CPNE4: variants seen among roughly 807,000 people sequenced by gnomAD.
CPNE4 encodes the protein copine-4.
CPNE4 carries 25 observed loss-of-function variants against 67.9 expected under a neutral mutation model. The observed-to-expected ratio is 0.37, with a 90% CI of 0.27 to 0.51. The LOEUF (loss-of-function observed/expected upper bound fraction) is 0.51, where lower values mean the gene tolerates loss of function less well. Among genes scored for constraint, CPNE4 ranks in the 20% least tolerant of loss-of-function variants. The pLI is 0.93. For synonymous variants in CPNE4, 242 were observed against 244.9 expected, an observed-to-expected ratio of 0.99 and a Z score of 0.11; for missense variants, 464 against 690.8, an observed-to-expected ratio of 0.67 and a Z score of 3.68.
intron 7 of CPNE4, among the ~76,000 whole-genome samples, chr3:131,594,079 T>C (rs1938700521): frequency 6.6e-6 from 1 of 152,174 alleles, no homozygotes; most frequent in Admixed American, 6.5e-5. Context: ...TTCTTCCTGA[T>C]CTTAGAGAAG....
chr3:131,944,214 CCTCT>C (rs1229090658), intron 1 of CPNE4, among the ~76,000 whole-genome samples: 3 of 147,266 alleles, frequency 2.0e-5, no homozygotes, highest in Admixed American at 6.9e-5. Flanking sequence ...GAACCTCTTT[CCTCT>C]CTCTCTTTTT....
At chr3:131,863,601 A>G (rs1209363396) in intron 2 of CPNE4, among the ~76,000 whole-genome samples, 2 of 152,162 alleles carry the variant, frequency 1.3e-5, no homozygotes, top group Non-Finnish European at 2.9e-5. Flanking sequence ...GATTCTGGAT[A>G]TTAGCCCTTT....
At chr3:131,931,130 G>A (rs964962653) in intron 1 of CPNE4, among the ~76,000 whole-genome samples, 13 of 152,056 alleles carry the variant, frequency 8.5e-5, no homozygotes, top group Non-Finnish European at 1.3e-4. Flanking sequence ...GGAAGTTTCC[G>A]TTATGGTAGG....
chr3:131,535,190 G>C lies in CPNE4; in HGVS notation c.*5C>G. On this transcript the variant is annotated 3_prime_UTR_variant, in exon 16 of 16. Transcript: ENST00000429747. Reference sequence around the variant, plus strand: ...TTCAGAACTCTGTAAAACTGTGTGGGGAGTTCATGGTGCTAGTGTTCTGGA... The same window carrying C: ...TTCAGAACTCTGTAAAACTGTGTGGCGAGTTCATGGTGCTAGTGTTCTGGA... The C allele has an allele frequency of 6.2e-7, 1 of 1,605,690 alleles. No individual in the cohort carries two copies. The highest frequency in any genetic ancestry group is 8.5e-7 in the Non-Finnish European group (1 of 1,176,672).
intron 6 of CPNE4, 86 bp downstream of exon 6, chr3:131,685,781 AACACACAC>A: frequency 1.4e-6 from 1 of 734,120 alleles, no homozygotes. Flanking sequence ...ACTCCACCTC[AACACACAC>A]ACACACACAA....
upstream of CPNE4, chr3:132,037,515 C>T: frequency 6.7e-7 from 1 of 1,486,738 alleles, no homozygotes; most frequent in Non-Finnish European, 9.1e-7. Flanking sequence ...ACAGTCCCCT[C>T]AACAATTGTA....
chr3:131,745,152 G>A (rs2082457553), intron 2 of CPNE4, among the ~76,000 whole-genome samples: 1 of 152,060 alleles, frequency 6.6e-6, no homozygotes, highest in Non-Finnish European at 1.5e-5. Context: ...GTATCTCGTT[G>A]TTGTTTTAAT....
At chr3:131,864,138 G>A (rs372776479) in intron 2 of CPNE4, among the ~76,000 whole-genome samples, 103 of 151,242 alleles carry the variant, frequency 6.8e-4, no homozygotes, top group Non-Finnish European at 1.1e-3. Context: ...GTCAGGTAGC[G>A]TGATGCCTCC....
chr3:132,009,895 TC>T (rs1289837477), intron 1 of CPNE4, among the ~76,000 whole-genome samples: 1 of 152,152 alleles, frequency 6.6e-6, no homozygotes, highest in Non-Finnish European at 1.5e-5. Flanking sequence ...CTACTAAACT[TC>T]CTATAATGCA....
intron 7 of CPNE4, among the ~76,000 whole-genome samples, chr3:131,614,243 C>T (rs1012964406): frequency 3.3e-5 from 5 of 152,194 alleles, no homozygotes; most frequent in African/African-American, 1.2e-4. Context: ...CCAGCATGTG[C>T]TCAGTAGGCT....
chr3:132,015,159 C>T (rs1484522585), intron 1 of CPNE4, among the ~76,000 whole-genome samples: 1 of 152,112 alleles, frequency 6.6e-6, no homozygotes, highest in Non-Finnish European at 1.5e-5. Context: ...CTTTAATCTG[C>T]TGCAAAGATA....
chr3:132,032,975 CTG>C (rs1236145539), intron 1 of CPNE4, among the ~76,000 whole-genome samples: 4 of 152,330 alleles, frequency 2.6e-5, no homozygotes, highest in African/African-American at 7.2e-5. Flanking sequence ...TTCAAAACAC[CTG>C]TGTCATAGGA....
At chr3:132,023,299 C>T (rs1323276303) in intron 1 of CPNE4, among the ~76,000 whole-genome samples, 1 of 152,142 alleles carries the variant, frequency 6.6e-6, no homozygotes, top group Non-Finnish European at 1.5e-5. Context: ...CCCAGAGAAA[C>T]TCAAACACAA....
At chr3:131,895,905 T>G (rs2088309572) in intron 2 of CPNE4, among the ~76,000 whole-genome samples, 1 of 151,964 alleles carries the variant, frequency 6.6e-6, no homozygotes, top group Non-Finnish European at 1.5e-5. Flanking sequence ...CAATCCTCCT[T>G]CCAGGAATTT....
At chr3:131,555,708 C>G (rs189523375) in intron 11 of CPNE4, among the ~76,000 whole-genome samples, 157 bp from the exon 12 acceptor site, 270 of 152,114 alleles carry the variant, frequency 1.8e-3, no homozygotes, top group African/African-American at 6.4e-3. Context: ...ATGGGGGTAG[C>G]AATAGCATGG....
chr3:131,973,051 C>A (rs899298945), intron 1 of CPNE4, among the ~76,000 whole-genome samples: 2 of 152,134 alleles, frequency 1.3e-5, no homozygotes, highest in African/African-American at 4.8e-5. Context: ...CTTAACTCAC[C>A]TTTTTGGCCC....
intron 1 of CPNE4, among the ~76,000 whole-genome samples, chr3:131,955,408 AG>A: frequency 1.9e-5 from 1 of 52,374 alleles, no homozygotes; most frequent in Non-Finnish European, 4.1e-5. Flanking sequence ...ATTGTATGTA[AG>A]GTTTTTTTTT....
intron 2 of CPNE4, among the ~76,000 whole-genome samples, chr3:131,864,335 T>A: frequency 6.6e-6 from 1 of 152,302 alleles, no homozygotes; most frequent in East Asian, 1.9e-4. Context: ...TTCCTACCCA[T>A]GATCATGGAA....
intron 1 of CPNE4, among the ~76,000 whole-genome samples, chr3:131,906,319 T>C (rs1245862637): frequency 1.3e-5 from 2 of 151,960 alleles, no homozygotes; most frequent in African/African-American, 2.4e-5. Context: ...TAGTTACATA[T>C]GTATACATGT....
Sources: gnomAD v4.1 joint callset for allele counts (sites outside exome capture counted in the v4.1 genomes callset) on GRCh38, gnomAD v4.1.1 for gene constraint, MANE v1.5 for transcripts, NCBI Gene and HGNC (gene_info 2026-07-23, HGNC 2026-07-21) for gene names.